The following ZAN variants were observed in gnomAD, a reference collection of about 807,000 sequenced individuals.
The protein encoded by ZAN is zonadhesin, also known as zonadhesin (gene/pseudogene).
In ZAN, 260 loss-of-function variants were observed where a neutral mutation model predicts 286.2. The ratio of observed to expected loss-of-function variants is 0.91; its 90% confidence interval spans 0.82 to 1.01. The LOEUF is 1.01. ZAN is among the 50% of genes least tolerant of loss of function. The pLI is 0.00. For synonymous variants in ZAN, 1,368 were observed against 1,417.5 expected (o/e 0.97, Z 0.79); for missense variants, 3,410 against 3,639.2 (o/e 0.94, Z 1.62).
At chr7:100,784,514 G>C in intron 35 of ZAN, 109 bp from the exon 36 acceptor site, 1 of 1,044,448 alleles carries the variant, frequency 9.6e-7, no homozygotes, top group Non-Finnish European at 1.4e-6. Flanking sequence ...AACAAAAAAA[G>C]CTCCCCAAGC....
chr7:100,762,161 G>A (rs1255450311), intron 19 of ZAN, 54 bp from the exon 20 acceptor site: 12 of 1,605,954 alleles, frequency 7.5e-6, no homozygotes, highest in Admixed American at 1.7e-5. Flanking sequence ...ACTGCCCCTC[G>A]AGGACCGAGG....
chr7:100,792,302 G>T, intron 41 of ZAN, 103 bp from the exon 42 acceptor site: 1 of 1,516,268 alleles, frequency 6.6e-7, no homozygotes, highest in South Asian at 1.3e-5. Context: ...ACTGGACACC[G>T]ACTGATGTCT....
At chr7:100,797,036 C>T (rs1312555174) in intron 45 of ZAN, among the ~76,000 whole-genome samples, 1 of 152,072 alleles carries the variant, frequency 6.6e-6, no homozygotes, top group African/African-American at 2.4e-5. Context: ...ACTTGGAAAG[C>T]AGGCTGAGGG....
At chr7:100,779,221 T>G (rs934927737) in intron 34 of ZAN, among the ~76,000 whole-genome samples, 5 of 145,248 alleles carry the variant, frequency 3.4e-5, no homozygotes, top group Non-Finnish European at 6.0e-5. Flanking sequence ...AAAAAAAAAT[T>G]GGTCGGGCGT....
chr7:100,770,088 G>T, intron 28 of ZAN, 114 bp downstream of exon 28: 2 of 1,044,126 alleles, frequency 1.9e-6, no homozygotes, highest in Admixed American at 2.4e-5. Context: ...AAAGCATGAG[G>T]AAGGCAAATG....
chr7:100,783,783 T>TATATATATATATATAC (rs377402352), intron 35 of ZAN, among the ~76,000 whole-genome samples: 3 of 20,488 alleles, frequency 1.5e-4, no homozygotes, highest in African/African-American at 4.1e-4. Context: ...TATATATATA[T>TATATATATATATATAC]ACACATATAT....
At chr7:100,788,948 C>T (rs546722233) in intron 38 of ZAN, among the ~76,000 whole-genome samples, 1 of 152,274 alleles carries the variant, frequency 6.6e-6, no homozygotes, top group African/African-American at 2.4e-5. Context: ...ATCCGCCCGA[C>T]TCGGCCTCCC....
chr7:100,769,745 C>G (rs1810251301), intron 27 of ZAN, 135 bp from the exon 28 acceptor site: 1 of 705,118 alleles, frequency 1.4e-6, no homozygotes, highest in East Asian at 2.9e-5. Context: ...TAGGATCTCA[C>G]TATGTTGCCC....
intron 27 of ZAN, 138 bp downstream of exon 27, chr7:100,768,859 T>G: frequency 2.9e-6 from 2 of 691,950 alleles, no homozygotes; most frequent in Non-Finnish European, 4.7e-6. Flanking sequence ...TGGCAATCTC[T>G]CCTGTTTAGA....
chr7:100,785,957 C>A (rs762399729), intron 36 of ZAN, 40 bp from the exon 37 acceptor site: 216 of 1,587,610 alleles, frequency 1.4e-4, no homozygotes, highest in Non-Finnish European at 1.8e-4. Flanking sequence ...CCGCGCCCAG[C>A]CCCCTCCTCA....
At chr7:100,773,887 G>A (rs1240888265) in intron 31 of ZAN, 22 bp downstream of exon 31, 24 of 1,588,444 alleles carry the variant, frequency 1.5e-5, no homozygotes, top group Non-Finnish European at 2.1e-5. Flanking sequence ...ACGGTGATGG[G>A]GGGACTCCAC....
chr7:100,760,954 T>G (rs1325253207), intron 19 of ZAN, among the ~76,000 whole-genome samples: 1 of 152,114 alleles, frequency 6.6e-6, no homozygotes, highest in East Asian at 1.9e-4. Context: ...TGGAGTGCAG[T>G]GGTGCTATCT....
Position 100,775,308 on chromosome 7 carries a change from C to A in ZAN, c.5780-20C>A. 1.2e-6 allele frequency: 2 copies of A among 1,610,224 alleles called. No homozygotes were observed. Among genetic ancestry groups the A allele is most frequent in the South Asian group, 2.2e-5 (2 of 90,406 alleles). On this transcript the variant is annotated intron_variant, in intron 31 of 47. Transcript: ENST00000613979. Reference sequence around the variant, plus strand: ...CTGCCAGAGGAGCGTCATAGCCCAGCTGTCTCTCTGTCCTCCCAGGTGTGG... The same window carrying A: ...CTGCCAGAGGAGCGTCATAGCCCAGATGTCTCTCTGTCCTCCCAGGTGTGG...
intron 34 of ZAN, among the ~76,000 whole-genome samples, chr7:100,778,462 GAA>G (rs1282135721): frequency 6.7e-6 from 1 of 149,644 alleles, no homozygotes; most frequent in Non-Finnish European, 1.5e-5. Flanking sequence ...AAAAAGAAAA[GAA>G]AGAAAAATAA....
In ZAN at chr7:100,737,147, G is replaced by A. The variant is rs888212246; in HGVS notation, c.525+67G>A. ...GGGTGTTGGAGAGCCTGAGGGTGGGGGTGTGGCAAAAAGGGATTGTGGGGG... is the reference window on the plus strand; with the variant it reads ...GGGTGTTGGAGAGCCTGAGGGTGGGAGTGTGGCAAAAAGGGATTGTGGGGG... On this transcript the variant is annotated intron_variant, in intron 5 of 47. Transcript: ENST00000613979. The A allele has an allele frequency of 7.2e-5, 105 of 1,449,228 alleles. 20 individuals carry two copies. Among genetic ancestry groups the A allele is most frequent in the Non-Finnish European group, 6.1e-5 (65 of 1,064,658 alleles). The allele number at this position is 1,449,228 out of a possible 1,614,324, so 89.8% of individuals were successfully genotyped here. A position where few individuals can be genotyped will look rare whatever the true frequency, so the allele number is the denominator to read the frequency against.
intron 15 of ZAN, among the ~76,000 whole-genome samples, chr7:100,756,185 A>C (rs1005374612): frequency 1.3e-5 from 2 of 152,232 alleles, no homozygotes; most frequent in Admixed American, 1.3e-4. Flanking sequence ...AGATGAAATT[A>C]AGTCCTAACA....
chr7:100,782,610 C>T (rs1047569370), intron 35 of ZAN, among the ~76,000 whole-genome samples: 2 of 152,090 alleles, frequency 1.3e-5, no homozygotes, highest in East Asian at 1.9e-4. Context: ...GGGTTACAGG[C>T]GTGAGCCACC....
In ZAN at chr7:100,785,834, T is replaced by G. The variant is rs190590017; in HGVS notation, c.6835-163T>G. Among the ~76,000 whole-genome samples the G allele has an allele frequency of 1.4e-3, 218 of 152,188 alleles. 1 individual carries two copies. The highest frequency in any genetic ancestry group is 5.2e-3 in the African/African-American group (215 of 41,558). Reference sequence around the variant, plus strand: ...CTACCACACCTGGCTAATTTTTGTATTTTTAGTAGAGACAGGGTTTCACCA... The same window carrying G: ...CTACCACACCTGGCTAATTTTTGTAGTTTTAGTAGAGACAGGGTTTCACCA... On this transcript the variant is annotated intron_variant, in intron 36 of 47. Transcript: ENST00000613979.
chr7:100,737,054 C>A lies in ZAN; in HGVS notation c.499C>A (p.Pro167Thr). The change falls in exon 5 of 48, where the codon CCC becomes ACC. Residue 167 changes from proline (P) to threonine (T), a missense_variant. Coordinates refer to ENST00000613979, the MANE Select transcript of ZAN (RefSeq NM_003386.3). ...PSWMLTTVTVPAGFTLPTRLM... is the reference protein window; with the variant it reads ...PSWMLTTVTVTAGFTLPTRLM... Reference sequence around the variant, plus strand: ...CTGGATGCTCACCACCGTCACTGTGCCCGCAGGGTTCACCCTGCCCACCCG... The same window carrying A: ...CTGGATGCTCACCACCGTCACTGTGACCGCAGGGTTCACCCTGCCCACCCG... The A allele has an allele frequency of 6.7e-7, 1 of 1,498,184 alleles. No homozygotes were observed. Among genetic ancestry groups the A allele is most frequent in the Non-Finnish European group, 9.1e-7 (1 of 1,095,286 alleles). The allele number at this position is 1,498,184 out of a possible 1,614,324, so 92.8% of individuals were successfully genotyped here. A position where few individuals can be genotyped will look rare whatever the true frequency, so the allele number is the denominator to read the frequency against.
Sources: gnomAD v4.1 joint callset for allele counts (sites outside exome capture counted in the v4.1 genomes callset) on GRCh38, gnomAD v4.1.1 for gene constraint, MANE v1.5 for transcripts, NCBI Gene and HGNC (gene_info 2026-07-23, HGNC 2026-07-21) for gene names.